Variants in DEK observed in about 807,000 individuals in gnomAD.
DEK encodes the protein DEK proto-oncogene.
DEK carries 28 observed loss-of-function variants against 46.8 expected under a neutral mutation model. The ratio of observed to expected loss-of-function variants is 0.60; its 90% CI spans 0.44 to 0.82. The LOEUF is 0.82. DEK is among the 40% of genes least tolerant of loss of function. The pLI, the probability that DEK is intolerant of heterozygous loss-of-function variation, is 0.00. For missense variants in DEK, 416 were observed against 430.6 expected, an observed-to-expected ratio of 0.97 and a Z score of 0.30; for synonymous variants, 160 against 144.5, an observed-to-expected ratio of 1.11 and a Z score of -0.77.
intron 2 of DEK, among the ~76,000 whole-genome samples, chr6:18,260,836 A>G (rs1208224182): frequency 1.3e-5 from 2 of 152,012 alleles, no homozygotes; most frequent in African/African-American, 4.8e-5. Flanking sequence ...CCCTGCCTCT[A>G]CAAAAAATAC....
At chr6:18,249,894 C>A (rs564260336) in intron 6 of DEK, 55 bp from the exon 7 acceptor site, 57 of 1,501,510 alleles carry the variant, frequency 3.8e-5, no homozygotes, top group Non-Finnish European at 4.8e-5. Flanking sequence ...TCAATCAATT[C>A]TCTTCTTGAA....
intron 6 of DEK, among the ~76,000 whole-genome samples, chr6:18,251,855 T>A (rs189558698): frequency 4.3e-4 from 66 of 152,182 alleles, no homozygotes; most frequent in African/African-American, 1.6e-3. Context: ...GTATGAGGAC[T>A]GAAACAGGTT....
intron 7 of DEK, chr6:18,244,528 G>A: frequency 7.8e-7 from 1 of 1,288,796 alleles, no homozygotes; most frequent in South Asian, 1.2e-5. Context: ...TAGGCAGCAG[G>A]GCTCTTGAAG....
intron 9 of DEK, among the ~76,000 whole-genome samples, chr6:18,227,139 T>TC (rs1790168952): frequency 6.6e-6 from 1 of 151,880 alleles, no homozygotes; most frequent in Admixed American, 6.6e-5. Context: ...GACCTGACCG[T>TC]CCCCCAGCCC....
At chr6:18,227,914 C>T (rs577382976) in intron 9 of DEK, among the ~76,000 whole-genome samples, 1 of 152,208 alleles carries the variant, frequency 6.6e-6, no homozygotes, top group Non-Finnish European at 1.5e-5. Flanking sequence ...GCTTCCTCTA[C>T]TCCACTGCTC....
Position 18,233,557 on chromosome 6 carries a change from C to G in DEK, c.1047+2895G>C, listed in dbSNP as rs527569842. 8.3e-3 allele frequency among the ~76,000 whole-genome samples: 1,267 copies of G among 152,254 alleles called. 8 individuals are homozygous for G. Among genetic ancestry groups the G allele is most frequent in the African/African-American group, 0.024 (978 of 41,524 alleles). The stretch of plus-strand genomic sequence containing the variant: ...GCAAAGGATATGAACAGACACTTCT[C>G]AAAAGAAGACATTTATGCAGCCAAC... On this transcript the variant is annotated intron_variant, in intron 9 of 10. Transcript: ENST00000652689.
intron 7 of DEK, among the ~76,000 whole-genome samples, chr6:18,238,908 A>G (rs1245684476): frequency 1.3e-5 from 2 of 152,080 alleles, no homozygotes; most frequent in African/African-American, 4.8e-5. Context: ...CCTGAGAGTT[A>G]TCCTAAAGCA....
chr6:18,243,468 A>C (rs1423576371), intron 7 of DEK, among the ~76,000 whole-genome samples: 1 of 152,140 alleles, frequency 6.6e-6, no homozygotes, highest in Admixed American at 6.5e-5. Context: ...CATGGGTTCA[A>C]CCTACATTAC....
intron 10 of DEK, 65 bp downstream of exon 10, chr6:18,226,109 G>A (rs214503): frequency 0.21 from 242,733 of 1,141,412 alleles, 28,427 homozygotes; most frequent in Admixed American, 0.37. Context: ...AAAATATGGA[G>A]TATTTTATGT....
chr6:18,246,099 A>T (rs1314298388), intron 7 of DEK, among the ~76,000 whole-genome samples: 2 of 152,242 alleles, frequency 1.3e-5, no homozygotes, highest in Non-Finnish European at 2.9e-5. Context: ...TGTCTTTATT[A>T]ACAGCGTGAG....
rs1440731703 is a variant in DEK at position 18,224,525 on chromosome 6, T to TTA, written c.*1192_*1193dup. 1 of 201,560 alleles carries TTA rather than the reference T, an allele frequency of 5.0e-6. No homozygotes were observed. Among genetic ancestry groups the TTA allele is most frequent in the Non-Finnish European group, 1.0e-5 (1 of 98,046 alleles). The allele number at this position is 201,560 out of a possible 1,614,324, so 12.5% of individuals were successfully genotyped here. On this transcript the variant is annotated 3_prime_UTR_variant, in exon 11 of 11. Coordinates refer to ENST00000652689, the MANE Select transcript of DEK (RefSeq NM_003472.4). The stretch of plus-strand genomic sequence containing the variant: ...TTAAGTCTCATTCAGGAGTGGTCCA[T>TTA]TATGTTGATCATCTAGAATCAACAC...
intron 7 of DEK, chr6:18,244,652 C>A: frequency 1.0e-6 from 1 of 973,524 alleles, no homozygotes; most frequent in Admixed American, 2.8e-5. Flanking sequence ...ATACACTATT[C>A]TTTCAACAAT....
chr6:18,243,414 A>G (rs1200149037), intron 7 of DEK, among the ~76,000 whole-genome samples: 1 of 152,060 alleles, frequency 6.6e-6, no homozygotes, highest in Non-Finnish European at 1.5e-5. Context: ...ACCACCAAAC[A>G]TATTAGTCAC....
chr6:18,263,862 C>CTCCTCG lies in DEK; in HGVS notation c.120_125dup (p.Asp40_Glu41dup). On this transcript the variant is annotated inframe_insertion, in exon 2 of 11. Transcript: ENST00000652689. ...CCCCACCTTTTTCCTCCTCCTCCTC[C>CTCCTCG]TCCTCGTCGTCCTCGTCCTCTTCCT... The CTCCTCG allele has an allele frequency of 5.0e-6, 8 of 1,612,712 alleles. No homozygotes were observed. Among genetic ancestry groups the CTCCTCG allele is most frequent in the Non-Finnish European group, 6.8e-6 (8 of 1,179,342 alleles).
rs1790017806 is a variant in DEK, at chr6:18,224,371, T to C, written c.*1348A>G. Reference sequence around the variant, plus strand: ...TTCAACATATATTTTTATATATTTCTGTTCTATGATGCAAAGATATTTTTC... The same window carrying C: ...TTCAACATATATTTTTATATATTTCCGTTCTATGATGCAAAGATATTTTTC... On this transcript the variant is annotated 3_prime_UTR_variant, in exon 11 of 11. Transcript: ENST00000652689. 5.3e-6 allele frequency: 1 copy of C among 187,584 alleles called. No individual in the cohort carries two copies. Among genetic ancestry groups the C allele is most frequent in the Non-Finnish European group, 1.1e-5 (1 of 89,074 alleles). 11.6% of individuals were successfully genotyped at this position (187,584 alleles called of 1,614,324 possible).
In DEK at chr6:18,236,509, C is replaced by A; in HGVS notation, c.990G>T (p.Lys330Asn). The A allele has an allele frequency of 5.6e-6, 9 of 1,606,474 alleles. No individual in the cohort carries two copies. The highest frequency in any genetic ancestry group is 7.6e-6 in the Non-Finnish European group (9 of 1,177,810). ...CCAAGTTAGCACTGGCCAGTAATTTCTTTATTGTTTCCTTTAACTCTTCAT... is the reference window on the plus strand; with the variant it reads ...CCAAGTTAGCACTGGCCAGTAATTTATTTATTGTTTCCTTTAACTCTTCAT... ...PTDEELKETIKKLLASANLEE... is the reference protein window; with the variant it reads ...PTDEELKETINKLLASANLEE... Residue 330 changes from lysine (K) to asparagine (N), a missense_variant, in exon 9 of 11, where the codon AAG (lysine) becomes AAT (asparagine). Physicochemically the swap from Lys to Asn is moderately conservative, Grantham distance 94 (BLOSUM62 0). Coordinates refer to ENST00000652689, the MANE Select transcript of DEK (RefSeq NM_003472.4).
intron 9 of DEK, among the ~76,000 whole-genome samples, chr6:18,228,432 A>G (rs1208937451): frequency 1.3e-5 from 2 of 150,828 alleles, no homozygotes; most frequent in Non-Finnish European, 3.0e-5. Context: ...TCCAGTCTAC[A>G]GCTCCCACCG....
At chr6:18,241,325 G>A (rs960112976) in intron 7 of DEK, among the ~76,000 whole-genome samples, 13 of 152,232 alleles carry the variant, frequency 8.5e-5, no homozygotes, top group African/African-American at 3.1e-4. Context: ...AGCTGACAAG[G>A]CAAGTTAAAC....
chr6:18,253,513 A>C lies in DEK; in HGVS notation c.573+2218T>G, dbSNP rs537686695. 3.3e-5 allele frequency among the ~76,000 whole-genome samples: 5 copies of C among 152,316 alleles called. No homozygotes were observed. In the South Asian group the frequency reaches 8.3e-4, roughly 25 times the overall value. Reference sequence around the variant, plus strand: ...CATAATTCAGGGAACCAATATTTACAAGCGGTAAATGCATGTTACAAAACT... The same window carrying C: ...CATAATTCAGGGAACCAATATTTACCAGCGGTAAATGCATGTTACAAAACT... On this transcript the variant is annotated intron_variant, in intron 6 of 10. Coordinates refer to ENST00000652689, the MANE Select transcript of DEK (RefSeq NM_003472.4).
Sources: allele counts gnomAD v4.1 joint callset (sites outside exome capture counted in the v4.1 genomes callset), GRCh38; gene constraint gnomAD v4.1.1; transcripts MANE v1.5; gene names NCBI Gene and HGNC (gene_info 2026-07-23, HGNC 2026-07-21).